RNGTT: variants seen among roughly 807,000 people sequenced by gnomAD.
The protein encoded by RNGTT is mRNA-capping enzyme.
Under a neutral mutation model 79.3 loss-of-function variants are expected in RNGTT, and 33 were observed. The observed-to-expected ratio is 0.42, with a 90% CI of 0.32 to 0.56. The LOEUF (loss-of-function observed/expected upper bound fraction) is 0.56, where lower values mean the gene tolerates loss of function less well. Ranked by LOEUF, RNGTT falls within the 20% of genes least tolerant of loss-of-function variation. The pLI is 0.17. For synonymous variants in RNGTT, 222 were observed against 235.9 expected, an observed-to-expected ratio of 0.94 and a Z score of 0.54; for missense variants, 497 against 739.1, an observed-to-expected ratio of 0.67 and a Z score of 3.80.
chr6:88,725,658 T>G lies in RNGTT; in HGVS notation c.1439+44116A>C, dbSNP rs527800022. 7.2e-5 allele frequency among the ~76,000 whole-genome samples: 11 copies of G among 152,214 alleles called. No homozygotes were observed. The South Asian group carries it at 2.3e-3, about 32-fold the overall frequency. On this transcript the variant is annotated intron_variant, in intron 13 of 15. Transcript: ENST00000369485. ...CTCAGAAAGAGGTGAGAAATCCCCA[T>G]GAGGGGGAGTTGAATCTCAAAAAGA...
chr6:88,889,132 TTTTTA>T (rs1485828768), intron 8 of RNGTT, among the ~76,000 whole-genome samples: 5 of 152,216 alleles, frequency 3.3e-5, no homozygotes, highest in Non-Finnish European at 7.3e-5. Flanking sequence ...TAAAATTTCT[TTTTTA>T]TTTTCTTCTT....
chr6:88,670,428 C>T (rs1328641683), intron 14 of RNGTT, among the ~76,000 whole-genome samples: 1 of 152,072 alleles, frequency 6.6e-6, no homozygotes, highest in Non-Finnish European at 1.5e-5. Flanking sequence ...ATCGGTCTGT[C>T]TCGCAAAAAG....
intron 12 of RNGTT, among the ~76,000 whole-genome samples, chr6:88,772,393 A>C (rs1340020534): frequency 6.6e-6 from 1 of 152,190 alleles, no homozygotes; most frequent in South Asian, 2.1e-4. Context: ...AGAAAATTCC[A>C]ACAGCGTTTT....
intron 4 of RNGTT, among the ~76,000 whole-genome samples, chr6:88,922,781 G>C (rs562443142): frequency 1.3e-5 from 2 of 152,032 alleles, no homozygotes; most frequent in Admixed American, 6.6e-5. Flanking sequence ...CACCCGCCTC[G>C]GCCTCCCAAA....
intron 13 of RNGTT, among the ~76,000 whole-genome samples, chr6:88,722,457 C>T (rs563512605): frequency 6.6e-6 from 1 of 152,218 alleles, no homozygotes; most frequent in Admixed American, 6.5e-5. Flanking sequence ...AATCTAAAGA[C>T]ACAGGAGAAG....
chr6:88,784,785 C>A (rs1342911580), intron 12 of RNGTT, among the ~76,000 whole-genome samples: 4 of 152,172 alleles, frequency 2.6e-5, no homozygotes, highest in South Asian at 4.1e-4. Flanking sequence ...CAATATGTCT[C>A]CCTAGATGCC....
Position 88,711,914 on chromosome 6 carries a change from A to C in RNGTT, c.1440-33495T>G, listed in dbSNP as rs571757847. On this transcript the variant is annotated intron_variant, in intron 13 of 15. Coordinates refer to ENST00000369485, the MANE Select transcript of RNGTT (RefSeq NM_003800.5). ...TATTTAGAAGTAATTGAGAAATGAT[A>C]ATCTATTTTTACCATGAGAAATTAA... Among the ~76,000 whole-genome samples the C allele has an allele frequency of 2.6e-5, 4 of 152,354 alleles. No individual in the cohort carries two copies. In the South Asian group the frequency reaches 8.3e-4, roughly 32 times the overall value.
chr6:88,810,817 T>G (rs534708058), intron 11 of RNGTT, among the ~76,000 whole-genome samples: 3 of 152,308 alleles, frequency 2.0e-5, no homozygotes, highest in African/African-American at 7.2e-5. Context: ...TTGATTAACA[T>G]CCCAATAAAA....
intron 8 of RNGTT, among the ~76,000 whole-genome samples, chr6:88,868,725 T>G (rs1185345997): frequency 2.6e-5 from 4 of 152,212 alleles, no homozygotes; most frequent in African/African-American, 9.6e-5. Context: ...TTTTAAAACT[T>G]TACTGCCATT....
chr6:88,840,618 C>T (rs751808431), intron 11 of RNGTT, among the ~76,000 whole-genome samples: 4 of 152,118 alleles, frequency 2.6e-5, no homozygotes, highest in Non-Finnish European at 4.4e-5. Context: ...AGGCTGGTCT[C>T]GAACTCTTGG....
chr6:88,617,718 A>G (rs1772284817), intron 14 of RNGTT, among the ~76,000 whole-genome samples: 1 of 152,174 alleles, frequency 6.6e-6, no homozygotes, highest in Non-Finnish European at 1.5e-5. Context: ...ATTTCTGCAA[A>G]AAATACTATT....
intron 2 of RNGTT, among the ~76,000 whole-genome samples, chr6:88,929,672 C>T (rs1042978060): frequency 6.6e-6 from 1 of 152,028 alleles, no homozygotes; most frequent in Non-Finnish European, 1.5e-5. Context: ...AACTCAAGCT[C>T]TCGGCACAAA....
Position 88,723,456 on chromosome 6 carries a change from G to A in RNGTT, c.1440-45037C>T, listed in dbSNP as rs1272054878. 2.0e-5 allele frequency among the ~76,000 whole-genome samples: 3 copies of A among 152,086 alleles called. No individual in the cohort carries two copies. The East Asian group carries it at 5.8e-4, about 29-fold the overall frequency. ...TTGCAGACAGCCCCTTCTCTGCTGTGCTGCCCGTTGCTACTTTGCAACATT... is the reference window on the plus strand; with the variant it reads ...TTGCAGACAGCCCCTTCTCTGCTGTACTGCCCGTTGCTACTTTGCAACATT... On this transcript the variant is annotated intron_variant, in intron 13 of 15. Coordinates refer to ENST00000369485, the MANE Select transcript of RNGTT (RefSeq NM_003800.5).
At chr6:88,708,223 C>T (rs545926757) in intron 13 of RNGTT, among the ~76,000 whole-genome samples, 1 of 152,056 alleles carries the variant, frequency 6.6e-6, no homozygotes, top group Non-Finnish European at 1.5e-5. Flanking sequence ...CTTTTCCAAT[C>T]TTCAAGGGCT....
At chr6:88,765,307 T>C (rs181968234) in intron 13 of RNGTT, among the ~76,000 whole-genome samples, 357 of 152,258 alleles carry the variant, frequency 2.3e-3, no homozygotes, top group Middle Eastern at 6.8e-3. Flanking sequence ...TTCAGGGCAC[T>C]TTTTTTCCAC....
At chr6:88,649,558 G>A (rs893400753) in intron 14 of RNGTT, among the ~76,000 whole-genome samples, 1 of 152,052 alleles carries the variant, frequency 6.6e-6, no homozygotes, top group Admixed American at 6.6e-5. Flanking sequence ...TTAGCTGGGC[G>A]TGGTGGCGGG....
At chr6:88,960,738 T>C (rs753291766) in intron 1 of RNGTT, among the ~76,000 whole-genome samples, 10 of 152,242 alleles carry the variant, frequency 6.6e-5, no homozygotes, top group Non-Finnish European at 1.5e-4. Flanking sequence ...CTCTCTCTCA[T>C]TGCAAGTCTG....
chr6:88,819,884 C>G (rs923183340), intron 11 of RNGTT, among the ~76,000 whole-genome samples: 2 of 152,038 alleles, frequency 1.3e-5, no homozygotes, highest in South Asian at 4.1e-4. Flanking sequence ...AGCTGCGGAT[C>G]TTTATTTCAC....
intron 11 of RNGTT, among the ~76,000 whole-genome samples, chr6:88,808,631 G>A (rs956073098): frequency 2.0e-5 from 3 of 152,046 alleles, no homozygotes; most frequent in African/African-American, 7.2e-5. Flanking sequence ...AAGAAATCAA[G>A]AACCAGCTGG....
Sources: allele counts gnomAD v4.1 joint callset (sites outside exome capture counted in the v4.1 genomes callset), GRCh38; gene constraint gnomAD v4.1.1; transcripts MANE v1.5; gene names NCBI Gene and HGNC (gene_info 2026-07-23, HGNC 2026-07-21).